The following GAS7 variants were observed in gnomAD, a reference collection of about 807,000 sequenced individuals.
The protein encoded by GAS7 is growth arrest-specific protein 7.
GAS7 carries 28 observed loss-of-function variants against 71.1 expected under a neutral mutation model. The observed-to-expected ratio is 0.39, with a 90% confidence interval of 0.29 to 0.54. GAS7 has a LOEUF of 0.54. Among genes scored for constraint, GAS7 ranks in the 20% least tolerant of loss-of-function variants. GAS7 has a pLI of 0.62. For synonymous variants in GAS7, 258 were observed against 245.8 expected (o/e 1.05, Z -0.46); for missense variants, 436 against 627.8 (o/e 0.69, Z 3.27).
At position 10,081,593 on chromosome 17, in the gene GAS7, G is replaced by A. The variant is rs564117761; in HGVS notation, c.184-61696C>T. 8.5e-5 allele frequency among the ~76,000 whole-genome samples: 13 copies of A among 152,312 alleles called. No individual in the cohort carries two copies. In the East Asian group the frequency reaches 2.5e-3, roughly 29 times the overall value. On this transcript the variant is annotated intron_variant, in intron 1 of 13. Transcript: ENST00000432992. ...GCGGTAAAGCAATGACTGAAAGACT[G>A]CGAAATAGAAAAATGAGCAGAGAAT...
chr17:10,182,214 C>T (rs1416264999), intron 1 of GAS7, among the ~76,000 whole-genome samples: 1 of 152,184 alleles, frequency 6.6e-6, no homozygotes, highest in African/African-American at 2.4e-5. Context: ...GGCTGGAGTG[C>T]AATGGCACGA....
intron 1 of GAS7, among the ~76,000 whole-genome samples, chr17:10,044,712 A>C (rs778784866): frequency 6.6e-6 from 1 of 152,238 alleles, no homozygotes; most frequent in African/African-American, 2.4e-5. Context: ...GAATCCACAT[A>C]TAAGTAGATC....
At chr17:10,132,909 C>T (rs1433151595) in intron 1 of GAS7, among the ~76,000 whole-genome samples, 2 of 151,872 alleles carry the variant, frequency 1.3e-5, no homozygotes, top group South Asian at 2.1e-4. Context: ...GCTGCACCTC[C>T]GACCTCCACC....
chr17:10,111,810 C>A (rs1410663725), intron 1 of GAS7, among the ~76,000 whole-genome samples: 2 of 152,158 alleles, frequency 1.3e-5, no homozygotes, highest in Non-Finnish European at 2.9e-5. Flanking sequence ...CAAAATTGGA[C>A]CAGGTCATGG....
chr17:10,068,013 C>A (rs2073300245), intron 1 of GAS7, among the ~76,000 whole-genome samples: 2 of 152,204 alleles, frequency 1.3e-5, no homozygotes, highest in South Asian at 4.1e-4. Context: ...CTACCTTGGT[C>A]ATTCCCATGA....
chr17:10,164,369 G>A (rs549493592), intron 1 of GAS7, among the ~76,000 whole-genome samples: 16 of 151,474 alleles, frequency 1.1e-4, no homozygotes, highest in African/African-American at 3.9e-4. Context: ...TTGAACCCGG[G>A]AGGCAGAGGT....
chr17:10,001,258 A>C (rs1450905603), intron 2 of GAS7, among the ~76,000 whole-genome samples: 3 of 152,242 alleles, frequency 2.0e-5, no homozygotes, highest in Non-Finnish European at 4.4e-5. Context: ...GGGAAGCAAA[A>C]GAAAGTCTTG....
intron 1 of GAS7, among the ~76,000 whole-genome samples, chr17:10,126,352 TCACA>T (rs536401424): frequency 1.5e-5 from 2 of 137,232 alleles, no homozygotes; most frequent in South Asian, 2.4e-4. Context: ...ACTCATACAC[TCACA>T]CACACTCTTG....
At position 10,124,117 on chromosome 17, in the gene GAS7, C is replaced by T. The variant is rs112266416; in HGVS notation, c.183+74091G>A. Among the ~76,000 whole-genome samples the T allele has an allele frequency of 7.2e-5, 11 of 152,332 alleles. No homozygotes were observed. In the East Asian group the frequency reaches 1.2e-3, roughly 16 times the overall value. ...CCGTGAATGGGGGCCCCTGAGGAGG[C>T]GGAGTGGGAAACAGAGCCGCCACTG... On this transcript the variant is annotated intron_variant, in intron 1 of 13. Coordinates refer to ENST00000432992, the MANE Select transcript of GAS7 (RefSeq NM_201433.2).
chr17:10,191,336 A>C (rs940098258), intron 1 of GAS7, among the ~76,000 whole-genome samples: 1 of 138,906 alleles, frequency 7.2e-6, no homozygotes, highest in South Asian at 2.3e-4. Context: ...TTGGGAGGCC[A>C]AGGTGGGAGG....
At chr17:9,921,361 C>T (rs544976643) in intron 11 of GAS7, among the ~76,000 whole-genome samples, 1 of 151,770 alleles carries the variant, frequency 6.6e-6, no homozygotes, top group Non-Finnish European at 1.5e-5. Context: ...TTCACCATAT[C>T]GGCCAGGCTA....
chr17:10,062,371 A>G (rs2073229142), intron 1 of GAS7, among the ~76,000 whole-genome samples: 1 of 152,194 alleles, frequency 6.6e-6, no homozygotes, highest in African/African-American at 2.4e-5. Context: ...TGTAATCTCG[A>G]CAACTCAGGA....
intron 4 of GAS7, among the ~76,000 whole-genome samples, chr17:9,967,489 T>C (rs7222885): frequency 0.42 from 63,599 of 151,910 alleles, 13,901 homozygotes; most frequent in Non-Finnish European, 0.48. Flanking sequence ...ATAGCCATGA[T>C]CTCAGACGCA....
chr17:10,178,508 C>T (rs991566860), intron 1 of GAS7, among the ~76,000 whole-genome samples: 7 of 152,032 alleles, frequency 4.6e-5, no homozygotes, highest in African/African-American at 1.2e-4. Flanking sequence ...CTGACAGCCA[C>T]GCCCACCACA....
chr17:10,148,767 G>A (rs2074140996), intron 1 of GAS7, among the ~76,000 whole-genome samples: 1 of 149,748 alleles, frequency 6.7e-6, no homozygotes, highest in South Asian at 2.1e-4. Flanking sequence ...AGAATTAGCT[G>A]GGCATGGTGG....
chr17:9,988,287 G>A (rs1174263297), intron 2 of GAS7, among the ~76,000 whole-genome samples: 3 of 152,188 alleles, frequency 2.0e-5, no homozygotes, highest in Admixed American at 6.5e-5. Flanking sequence ...TGGCAGCCCT[G>A]CCACTCCGTT....
chr17:9,947,034 G>T, intron 5 of GAS7, 51 bp from the exon 6 acceptor site: 1 of 1,309,518 alleles, frequency 7.6e-7, no homozygotes, highest in Non-Finnish European at 1.1e-6. Flanking sequence ...CTGGAATAGC[G>T]AGGAAGGCTT....
chr17:10,005,637 C>T (rs148524206), intron 2 of GAS7, among the ~76,000 whole-genome samples: 2 of 152,180 alleles, frequency 1.3e-5, no homozygotes, highest in African/African-American at 4.8e-5. Flanking sequence ...AAAAAAACTC[C>T]CAATTTTTCA....
At chr17:10,195,806 A>G (rs2074536321) in intron 1 of GAS7, among the ~76,000 whole-genome samples, 1 of 151,946 alleles carries the variant, frequency 6.6e-6, no homozygotes, top group Non-Finnish European at 1.5e-5. Flanking sequence ...CATGTCCTCT[A>G]TCTCTACCTA....
Sources: gnomAD v4.1 joint callset for allele counts (sites outside exome capture counted in the v4.1 genomes callset) on GRCh38, gnomAD v4.1.1 for gene constraint, MANE v1.5 for transcripts, NCBI Gene and HGNC (gene_info 2026-07-23, HGNC 2026-07-21) for gene names.